Variants in CYRIA observed in about 807,000 individuals in gnomAD.
CYRIA encodes CYFIP-related Rac1 interactor A.
CYRIA carries 15 observed loss-of-function variants against 43.9 expected under a neutral mutation model. That is an observed-to-expected ratio of 0.34 (90% CI 0.23 to 0.53). CYRIA has a LOEUF of 0.53. Among genes scored for constraint, CYRIA ranks in the 20% least tolerant of loss-of-function variants. CYRIA has a pLI of 0.94. For synonymous variants in CYRIA, 117 were observed against 136.0 expected (o/e 0.86, Z 0.97); for missense variants, 236 against 394.2 (o/e 0.60, Z 3.40).
intron 3 of CYRIA, among the ~76,000 whole-genome samples, chr2:16,574,585 T>A (rs975777579): frequency 1.2e-4 from 18 of 152,224 alleles, no homozygotes; most frequent in African/African-American, 4.3e-4. Flanking sequence ...GTGTGCAGTC[T>A]AGGGACTTGG....
At chr2:16,629,253 C>A (rs1669254433) in intron 1 of CYRIA, among the ~76,000 whole-genome samples, 1 of 152,168 alleles carries the variant, frequency 6.6e-6, no homozygotes, top group Admixed American at 6.5e-5. Flanking sequence ...ACCCATCATG[C>A]GTGGGAGTGA....
intron 3 of CYRIA, among the ~76,000 whole-genome samples, chr2:16,573,433 T>C (rs2103431571): frequency 6.6e-6 from 1 of 152,296 alleles, no homozygotes; most frequent in East Asian, 1.9e-4. Context: ...TCCAAAGTAG[T>C]ACCCAGCCAA....
chr2:16,564,847 T>C (rs1162105687), intron 4 of CYRIA, among the ~76,000 whole-genome samples: 1 of 152,226 alleles, frequency 6.6e-6, no homozygotes, highest in Non-Finnish European at 1.5e-5. Flanking sequence ...TTGTTTTCTG[T>C]TAATTTTAGA....
chr2:16,555,431 A>G (rs957656570), intron 10 of CYRIA, among the ~76,000 whole-genome samples: 4 of 152,074 alleles, frequency 2.6e-5, no homozygotes, highest in South Asian at 2.1e-4. Context: ...GCCTTGTACT[A>G]TGGAGCCAAA....
At position 16,639,851 on chromosome 2, in the gene CYRIA, G is replaced by A. The variant is rs1019192202; in HGVS notation, c.-166-15832C>T. ...ATATTTTGGATAAGTCAGAGAGGGA[G>A]GAGGGAGAAAAATTACTTTCGAATG... On this transcript the variant is annotated intron_variant, in intron 1 of 11. Coordinates refer to ENST00000381323, the MANE Select transcript of CYRIA (RefSeq NM_030797.4). Among the ~76,000 whole-genome samples the A allele has an allele frequency of 2.6e-5, 4 of 152,224 alleles. No individual in the cohort carries two copies. In the East Asian group the frequency reaches 7.7e-4, roughly 29 times the overall value.
chr2:16,618,815 G>T (rs181584301), intron 2 of CYRIA, among the ~76,000 whole-genome samples: 118 of 152,278 alleles, frequency 7.7e-4, no homozygotes, highest in Admixed American at 3.1e-3. Flanking sequence ...CTTTCCGAGG[G>T]CTTCTAGACA....
intron 3 of CYRIA, among the ~76,000 whole-genome samples, chr2:16,574,116 G>A (rs1189141000): frequency 6.6e-6 from 1 of 152,140 alleles, no homozygotes; most frequent in Non-Finnish European, 1.5e-5. Flanking sequence ...GTGGTCTCAG[G>A]TGGAGATGAA....
intron 5 of CYRIA, 136 bp from the exon 6 acceptor site, chr2:16,562,277 T>C: frequency 1.1e-6 from 1 of 945,164 alleles, no homozygotes; most frequent in Non-Finnish European, 1.5e-6. Context: ...TGAGGTGTGC[T>C]GCATGTGGAC....
At position 16,555,075 on chromosome 2, in the gene CYRIA, G is replaced by A. The variant is rs1308921966; in HGVS notation, c.902C>T (p.Ala301Val). Residue 301 changes from alanine to valine, a missense_variant, in exon 11 of 12, where the codon GCC becomes GTC. Coordinates refer to ENST00000381323, the MANE Select transcript of CYRIA (RefSeq NM_030797.4). Reference sequence around the variant, plus strand: ...ACACAGGGTTGAAGCTCACCTGAGGGCATTTAGCAGCCCCTCCACACTGTC... The same window carrying A: ...ACACAGGGTTGAAGCTCACCTGAGGACATTTAGCAGCCCCTCCACACTGTC... ...APDSVEGLLN[A>V]LRFTTKHLND... 1.9e-6 allele frequency: 3 copies of A among 1,612,888 alleles called. No individual in the cohort carries two copies. Among genetic ancestry groups the A allele is most frequent in the Admixed American group, 1.7e-5 (1 of 59,898 alleles).
rs111565380 is a variant in CYRIA, at chr2:16,585,745, G to A, written c.70+2305C>T. Among the ~76,000 whole-genome samples the A allele has an allele frequency of 4.9e-3, 750 of 152,198 alleles. 8 individuals carry two copies. The highest frequency in any genetic ancestry group is 0.016 in the African/African-American group (669 of 41,532). ...CATTAAGAAAATATTCAAAGTACCA[G>A]ACTGGGCAAAGCAGAGTACTCTGGT... On this transcript the variant is annotated intron_variant, in intron 3 of 11. Transcript: ENST00000381323.
intron 2 of CYRIA, among the ~76,000 whole-genome samples, chr2:16,614,016 T>C (rs1018674622): frequency 5.3e-5 from 8 of 152,222 alleles, no homozygotes; most frequent in Admixed American, 5.2e-4. Context: ...GAGGAAAACA[T>C]CTGTGTTGTG....
At chr2:16,555,280 T>C (rs976065901) in intron 10 of CYRIA, 141 bp from the exon 11 acceptor site, 3 of 757,676 alleles carry the variant, frequency 4.0e-6, no homozygotes, top group African/African-American at 3.4e-5. Flanking sequence ...CAGGTTTTCC[T>C]ACCCCCTCAG....
At chr2:16,567,536 T>C (rs985771306) in intron 3 of CYRIA, among the ~76,000 whole-genome samples, 1 of 152,110 alleles carries the variant, frequency 6.6e-6, no homozygotes, top group African/African-American at 2.4e-5. Flanking sequence ...GGTGAGGAAC[T>C]GAGGCGGGGT....
chr2:16,655,963 A>G (rs922528376), intron 1 of CYRIA, among the ~76,000 whole-genome samples: 2 of 152,180 alleles, frequency 1.3e-5, no homozygotes, highest in African/African-American at 2.4e-5. Context: ...AGTTAATGTC[A>G]GAATTGCCTT....
chr2:16,609,575 T>A (rs2103488472), intron 2 of CYRIA, among the ~76,000 whole-genome samples: 1 of 152,346 alleles, frequency 6.6e-6, no homozygotes, highest in East Asian at 1.9e-4. Context: ...TATTTTTCAG[T>A]GGAGTTCAAC....
intron 1 of CYRIA, among the ~76,000 whole-genome samples, chr2:16,624,674 C>T (rs1669101912): frequency 6.6e-6 from 1 of 152,138 alleles, no homozygotes; most frequent in Admixed American, 6.5e-5. Context: ...ACTCTTTTTC[C>T]ATGAGTATCA....
chr2:16,605,143 G>A (rs193286840), intron 2 of CYRIA, among the ~76,000 whole-genome samples: 1 of 150,702 alleles, frequency 6.6e-6, no homozygotes, highest in East Asian at 1.9e-4. Context: ...AAAAAACCAC[G>A]AAACCATTAT....
intron 10 of CYRIA, 87 bp from the exon 11 acceptor site, chr2:16,555,226 T>C: frequency 8.4e-7 from 1 of 1,191,016 alleles, no homozygotes; most frequent in Non-Finnish European, 1.2e-6. Flanking sequence ...GCCCATAATG[T>C]CACATTATAT....
Position 16,638,908 on chromosome 2 carries a change from G to A in CYRIA, c.-166-14889C>T, listed in dbSNP as rs1669590380. Among the ~76,000 whole-genome samples the A allele has an allele frequency of 2.0e-5, 3 of 152,006 alleles. No individual in the cohort carries two copies. The South Asian group carries it at 6.2e-4, about 32-fold the overall frequency. On this transcript the variant is annotated intron_variant, in intron 1 of 11. Coordinates refer to ENST00000381323, the MANE Select transcript of CYRIA (RefSeq NM_030797.4). ...CTCTAAAATGGGAAAAACATGATGT[G>A]CCCTCCATATCTCAAAAGTGTTATA...
Sources: allele counts gnomAD v4.1 joint callset (sites outside exome capture counted in the v4.1 genomes callset), GRCh38; gene constraint gnomAD v4.1.1; transcripts MANE v1.5; gene names NCBI Gene and HGNC (gene_info 2026-07-23, HGNC 2026-07-21).